TRHDE: variants seen among roughly 807,000 people sequenced by gnomAD.
The protein encoded by TRHDE is thyrotropin-releasing hormone-degrading ectoenzyme.
TRHDE carries 72 observed loss-of-function variants against 125.7 expected under a neutral mutation model. The observed-to-expected ratio is 0.57, with a 90% CI of 0.47 to 0.70. The LOEUF is 0.70. Ranked by LOEUF, TRHDE falls within the 30% of genes least tolerant of loss-of-function variation. TRHDE has a pLI of 0.00. For missense variants in TRHDE, 1,110 were observed against 1,327.1 expected (o/e 0.84, Z 2.54); for synonymous variants, 509 against 509.1 (o/e 1.00, Z 0.00).
chr12:72,365,763 T>C (rs1003664319), intron 2 of TRHDE, among the ~76,000 whole-genome samples: 1 of 152,162 alleles, frequency 6.6e-6, no homozygotes, highest in Admixed American at 6.5e-5. Context: ...AGCTTCCCAT[T>C]GCAGCCGTAA....
At chr12:72,580,577 G>A (rs1010308780) in intron 12 of TRHDE, among the ~76,000 whole-genome samples, 3 of 152,156 alleles carry the variant, frequency 2.0e-5, no homozygotes, top group Non-Finnish European at 2.9e-5. Flanking sequence ...GAGTAGCTGG[G>A]ATTACAGGCA....
intron 3 of TRHDE, among the ~76,000 whole-genome samples, chr12:72,401,864 ATCTTTTTC>A (rs887442695): frequency 2.6e-5 from 4 of 152,150 alleles, no homozygotes; most frequent in African/African-American, 7.2e-5. Flanking sequence ...GATGAGTAAC[ATCTTTTTC>A]TCTGTTTCAG....
intron 2 of TRHDE, among the ~76,000 whole-genome samples, chr12:72,348,933 T>C (rs1870455429): frequency 6.6e-6 from 1 of 152,006 alleles, no homozygotes; most frequent in African/African-American, 2.4e-5. Flanking sequence ...TAAGATATGG[T>C]ATATGGTAAG....
chr12:72,432,502 G>T (rs557397073), intron 3 of TRHDE, among the ~76,000 whole-genome samples: 1 of 152,210 alleles, frequency 6.6e-6, no homozygotes, highest in African/African-American at 2.4e-5. Flanking sequence ...CTGCCTCAGG[G>T]TTATAGGACA....
chr12:72,363,055 T>C (rs1871177528), intron 2 of TRHDE, among the ~76,000 whole-genome samples: 1 of 152,050 alleles, frequency 6.6e-6, no homozygotes, highest in African/African-American at 2.4e-5. Flanking sequence ...CAGGCTCTTT[T>C]TTGGTTCCAT....
intron 6 of TRHDE, among the ~76,000 whole-genome samples, chr12:72,501,365 G>A (rs2135937931): frequency 6.6e-6 from 1 of 152,130 alleles, no homozygotes; most frequent in South Asian, 2.1e-4. Flanking sequence ...GATGTTGCAT[G>A]CTATTTTGCC....
chr12:72,332,348 G>C (rs34539947), intron 2 of TRHDE, among the ~76,000 whole-genome samples: 52,768 of 151,984 alleles, frequency 0.35, 9,885 homozygotes, highest in Non-Finnish European at 0.43. Flanking sequence ...ACCGTGTTAG[G>C]CAGGATGGTC....
intron 2 of TRHDE, among the ~76,000 whole-genome samples, chr12:72,197,497 A>G (rs2139352735): frequency 6.6e-6 from 1 of 152,254 alleles, no homozygotes; most frequent in African/African-American, 2.4e-5. Context: ...GATGATAATT[A>G]AGTTTATTAA....
rs552714256 is a variant in TRHDE, at chr12:72,218,191, TAA to T, written n.279+112440_279+112441del. Among the ~76,000 whole-genome samples the T allele has an allele frequency of 1.2e-4, 18 of 152,268 alleles. No individual in the cohort carries two copies. In the South Asian group the frequency reaches 3.7e-3, roughly 32 times the overall value. On this transcript the variant is annotated intron_variant and non_coding_transcript_variant, in intron 2 of 4. Coordinates refer to the TRHDE transcript ENST00000548156. ...CTTTCCATATGATCACAATTTTGTATAAGTGAGATTTTAAAGGGAAAATAATA... is the reference window on the plus strand; with the variant it reads ...CTTTCCATATGATCACAATTTTGTATGTGAGATTTTAAAGGGAAAATAATA...
intron 2 of TRHDE, among the ~76,000 whole-genome samples, chr12:72,228,448 T>A (rs1039797461): frequency 1.3e-5 from 2 of 152,202 alleles, no homozygotes; most frequent in Non-Finnish European, 2.9e-5. Flanking sequence ...ATGAAGGCCC[T>A]GGACTTGGCC....
intron 9 of TRHDE, among the ~76,000 whole-genome samples, chr12:72,565,065 A>G (rs769126779): frequency 3.3e-5 from 5 of 152,202 alleles, no homozygotes; most frequent in Non-Finnish European, 7.4e-5. Context: ...TTTTGCAATT[A>G]TAGAGCTTGT....
chr12:72,611,301 C>A, intron 12 of TRHDE: 1 of 155,226 alleles, frequency 6.4e-6, no homozygotes. Context: ...TTATGCCAAA[C>A]AGAACATGCT....
At chr12:72,162,572 C>T (rs549194248) in intron 2 of TRHDE, among the ~76,000 whole-genome samples, 1 of 152,260 alleles carries the variant, frequency 6.6e-6, no homozygotes, top group East Asian at 1.9e-4. Flanking sequence ...GGGAGATTAG[C>T]CTGGAGCCAG....
chr12:72,569,450 A>G (rs1012960348), intron 10 of TRHDE, among the ~76,000 whole-genome samples: 4 of 152,192 alleles, frequency 2.6e-5, no homozygotes, highest in African/African-American at 9.7e-5. Flanking sequence ...TTGCTCTCTC[A>G]TAAGCCTTAG....
intron 2 of TRHDE, chr12:72,163,013 C>A (rs593263): frequency 6.6e-6 from 1 of 150,852 alleles, no homozygotes; most frequent in Non-Finnish European, 1.5e-5. Flanking sequence ...ATTTCTACAA[C>A]TGTTCTCGAA....
chr12:72,200,122 T>C (rs1264969148), intron 2 of TRHDE, among the ~76,000 whole-genome samples: 1 of 152,214 alleles, frequency 6.6e-6, no homozygotes, highest in Non-Finnish European at 1.5e-5. Context: ...TTTTTATTTC[T>C]TGCATATTGA....
chr12:72,601,439 A>G (rs1054478939), intron 12 of TRHDE, among the ~76,000 whole-genome samples: 1 of 152,162 alleles, frequency 6.6e-6, no homozygotes, highest in African/African-American at 2.4e-5. Flanking sequence ...AAAACATTAT[A>G]TAAACTTACT....
intron 13 of TRHDE, 79 bp downstream of exon 13, chr12:72,619,117 G>A: frequency 2.7e-6 from 3 of 1,100,254 alleles, no homozygotes; most frequent in South Asian, 2.6e-5. Flanking sequence ...ATATGCAACT[G>A]ATGCCAAGTT....
At chr12:72,219,977 G>T (rs1877970103) in intron 2 of TRHDE, among the ~76,000 whole-genome samples, 1 of 152,142 alleles carries the variant, frequency 6.6e-6, no homozygotes, top group Non-Finnish European at 1.5e-5. Flanking sequence ...GCCTGGAATG[G>T]GTTAAGATTG....
Sources: allele counts gnomAD v4.1 joint callset (sites outside exome capture counted in the v4.1 genomes callset), GRCh38; gene constraint gnomAD v4.1.1; transcripts MANE v1.5; gene names NCBI Gene and HGNC (gene_info 2026-07-23, HGNC 2026-07-21).